ADK: variants seen among roughly 807,000 people sequenced by gnomAD.
ADK encodes adenosine kinase, also known as N6,N6-dimethyladenosine kinase.
Under a neutral mutation model 44.7 loss-of-function variants are expected in ADK, and 24 were observed. That is an observed-to-expected ratio of 0.54 (90% CI 0.39 to 0.76). The LOEUF is 0.76. Among genes scored for constraint, ADK ranks in the 30% least tolerant of loss-of-function variants. The pLI, the probability that ADK is intolerant of heterozygous loss-of-function variation, is 0.00. For missense variants in ADK, 321 were observed against 425.1 expected, an observed-to-expected ratio of 0.76 and a Z score of 2.15; for synonymous variants, 128 against 142.6, an observed-to-expected ratio of 0.90 and a Z score of 0.73.
At chr10:74,533,757 C>T (rs1052886899) in intron 7 of ADK, among the ~76,000 whole-genome samples, 2 of 152,142 alleles carry the variant, frequency 1.3e-5, no homozygotes, top group African/African-American at 4.8e-5. Context: ...TCCAAATGAC[C>T]TAGCTATCCC....
intron 6 of ADK, among the ~76,000 whole-genome samples, chr10:74,429,715 A>G (rs1844917977): frequency 1.3e-5 from 2 of 152,326 alleles, no homozygotes; most frequent in African/African-American, 4.8e-5. Context: ...ATGTTTGACT[A>G]GTGATACTCT....
At chr10:74,359,916 G>T (rs11001012) in intron 4 of ADK, among the ~76,000 whole-genome samples, 97,907 of 151,758 alleles carry the variant, frequency 0.65, 32,880 homozygotes, top group Middle Eastern at 0.79. Context: ...TAAATGGTTT[G>T]CTTTCTTGAT....
At chr10:74,557,698 C>T (rs1850312793) in intron 7 of ADK, among the ~76,000 whole-genome samples, 1 of 152,148 alleles carries the variant, frequency 6.6e-6, no homozygotes, top group African/African-American at 2.4e-5. Context: ...ACCCAACCTC[C>T]CTGCTGGCTT....
intron 9 of ADK, among the ~76,000 whole-genome samples, chr10:74,633,121 T>C (rs1406616480): frequency 6.6e-6 from 1 of 152,214 alleles, no homozygotes; most frequent in Non-Finnish European, 1.5e-5. Context: ...TTTTCTTCTA[T>C]AGGTTTTTTA....
chr10:74,322,881 T>C (rs1298945315), intron 4 of ADK, among the ~76,000 whole-genome samples: 14 of 152,070 alleles, frequency 9.2e-5, no homozygotes, highest in African/African-American at 3.1e-4. Flanking sequence ...TTATGCATTA[T>C]GTTAAGAAAT....
intron 4 of ADK, among the ~76,000 whole-genome samples, chr10:74,366,298 A>G (rs1004949510): frequency 1.3e-5 from 2 of 152,186 alleles, no homozygotes; most frequent in Admixed American, 1.3e-4. Context: ...TTAATATAGA[A>G]CACTCTGCTT....
intron 6 of ADK, among the ~76,000 whole-genome samples, chr10:74,500,635 T>G (rs1847857999): frequency 6.6e-6 from 1 of 152,244 alleles, no homozygotes; most frequent in Admixed American, 6.5e-5. Context: ...TCAAATCATA[T>G]AACTTCATAA....
At chr10:74,588,613 C>T (rs1229809181) in intron 7 of ADK, among the ~76,000 whole-genome samples, 1 of 152,170 alleles carries the variant, frequency 6.6e-6, no homozygotes, top group Non-Finnish European at 1.5e-5. Context: ...GAACTTCACA[C>T]TGCATCACAA....
intron 10 of ADK, among the ~76,000 whole-genome samples, chr10:74,685,386 A>C (rs1447711188): frequency 6.6e-6 from 1 of 152,144 alleles, no homozygotes; most frequent in Non-Finnish European, 1.5e-5. Flanking sequence ...AGGGTAACAG[A>C]CTCTGTCAGA....
At chr10:74,485,257 A>G (rs566985433) in intron 6 of ADK, among the ~76,000 whole-genome samples, 1 of 152,064 alleles carries the variant, frequency 6.6e-6, no homozygotes, top group South Asian at 2.1e-4. Context: ...AGAAAATCAC[A>G]TGTGTATTGA....
intron 6 of ADK, among the ~76,000 whole-genome samples, chr10:74,478,830 A>G (rs1271312435): frequency 6.6e-6 from 1 of 152,096 alleles, no homozygotes; most frequent in African/African-American, 2.4e-5. Context: ...CCATCCTTAT[A>G]AGTACTTTGA....
intron 6 of ADK, among the ~76,000 whole-genome samples, chr10:74,410,513 C>G (rs1395035928): frequency 1.3e-5 from 2 of 152,016 alleles, no homozygotes; most frequent in African/African-American, 2.4e-5. Context: ...ACCAGACCAT[C>G]TCTACTAAAA....
chr10:74,302,109 GTTTTTTTTTTTTTTTTTTTT>G (rs1172807289), intron 3 of ADK, among the ~76,000 whole-genome samples: 3 of 13,044 alleles, frequency 2.3e-4, no homozygotes, highest in East Asian at 2.7e-3. Flanking sequence ...TTGTTTGTTT[GTTTTTTTTTTTTTTTTTTTT>G]TTTTTTTTTT....
intron 6 of ADK, among the ~76,000 whole-genome samples, chr10:74,474,244 T>C (rs1846724606): frequency 1.3e-5 from 2 of 152,008 alleles, no homozygotes; most frequent in African/African-American, 2.4e-5. Flanking sequence ...GCTAGGACTA[T>C]AGGCATGTGC....
intron 6 of ADK, among the ~76,000 whole-genome samples, chr10:74,403,689 C>T (rs978897335): frequency 7.9e-5 from 12 of 152,132 alleles, no homozygotes; most frequent in South Asian, 2.1e-4. Flanking sequence ...CAACCCCTTG[C>T]GCTTCCCAGG....
At chr10:74,408,861 G>C (rs533631612) in intron 6 of ADK, among the ~76,000 whole-genome samples, 2 of 152,178 alleles carry the variant, frequency 1.3e-5, no homozygotes, top group East Asian at 1.9e-4. Context: ...GAGGAGGAGT[G>C]GTTGGCCTTC....
At chr10:74,506,097 TATA>T (rs1250429391) in intron 6 of ADK, 2 of 152,352 alleles carry the variant, frequency 1.3e-5, no homozygotes, top group African/African-American at 4.8e-5. Flanking sequence ...TAAGTTGTCA[TATA>T]ATGACTTCAA....
chr10:74,566,944 T>G (rs750498933), intron 7 of ADK, among the ~76,000 whole-genome samples: 8 of 152,250 alleles, frequency 5.3e-5, no homozygotes, highest in Non-Finnish European at 8.8e-5. Context: ...ATATGTGTTT[T>G]GCTTAACGAG....
At chr10:74,499,793 G>A (rs1847829935) in intron 6 of ADK, among the ~76,000 whole-genome samples, 1 of 152,168 alleles carries the variant, frequency 6.6e-6, no homozygotes, top group Non-Finnish European at 1.5e-5. Flanking sequence ...CAAATTCAGA[G>A]CTAATTCAAG....
Sources: allele counts gnomAD v4.1 joint callset (sites outside exome capture counted in the v4.1 genomes callset), GRCh38; gene constraint gnomAD v4.1.1; transcripts MANE v1.5; gene names NCBI Gene and HGNC (gene_info 2026-07-23, HGNC 2026-07-21).